The following VPS13B variants were observed in gnomAD, a reference collection of about 807,000 sequenced individuals.
VPS13B encodes intermembrane lipid transfer protein VPS13B.
In VPS13B, 285 loss-of-function variants were observed where a neutral mutation model predicts 426.4. The ratio of observed to expected loss-of-function variants is 0.67; its 90% CI spans 0.61 to 0.74. The LOEUF is 0.74. Ranked by LOEUF, VPS13B falls within the 30% of genes least tolerant of loss-of-function variation. The pLI is 0.00. For synonymous variants in VPS13B, 1,676 were observed against 1,676.4 expected (o/e 1.00, Z 0.01); for missense variants, 4,537 against 4,782.6 (o/e 0.95, Z 1.51).
chr8:99,649,706 A>AG (rs1468345917), intron 34 of VPS13B, among the ~76,000 whole-genome samples: 9 of 151,906 alleles, frequency 5.9e-5, no homozygotes, highest in South Asian at 2.1e-4. Context: ...CAGGAGAGAG[A>AG]GAAAAAAAAA....
intron 19 of VPS13B, among the ~76,000 whole-genome samples, chr8:99,318,712 G>A (rs753853270): frequency 1.6e-4 from 25 of 151,918 alleles, no homozygotes; most frequent in Non-Finnish European, 2.1e-4. Context: ...TATTAGAGAC[G>A]GGGTTTCACC....
chr8:99,748,213 T>G (rs1810196278), intron 39 of VPS13B, among the ~76,000 whole-genome samples: 1 of 152,036 alleles, frequency 6.6e-6, no homozygotes. Flanking sequence ...ACATTCTTTC[T>G]ACCTGATGAT....
At chr8:99,295,841 A>G (rs919788566) in intron 19 of VPS13B, among the ~76,000 whole-genome samples, 4 of 152,088 alleles carry the variant, frequency 2.6e-5, no homozygotes, top group Non-Finnish European at 5.9e-5. Context: ...AACCTAAACA[A>G]CATAGAGAGA....
intron 52 of VPS13B, 70 bp downstream of exon 52, chr8:99,832,722 A>C: frequency 6.5e-7 from 1 of 1,529,410 alleles, no homozygotes; most frequent in Non-Finnish European, 9.0e-7. Flanking sequence ...AGATGCCAAG[A>C]GAGATACAAT....
At chr8:99,583,195 G>C (rs1409341989) in intron 33 of VPS13B, among the ~76,000 whole-genome samples, 1 of 152,054 alleles carries the variant, frequency 6.6e-6, no homozygotes, top group Non-Finnish European at 1.5e-5. Context: ...CGGCACACTT[G>C]GCATAAAACA....
At chr8:99,312,900 C>T (rs1326873311) in intron 19 of VPS13B, among the ~76,000 whole-genome samples, 8 of 152,172 alleles carry the variant, frequency 5.3e-5, no homozygotes, top group African/African-American at 7.2e-5. Context: ...CTTCTCTTCT[C>T]GCTTCATTTC....
intron 35 of VPS13B, among the ~76,000 whole-genome samples, chr8:99,678,806 G>A (rs1256711635): frequency 6.6e-6 from 1 of 152,044 alleles, no homozygotes; most frequent in Non-Finnish European, 1.5e-5. Context: ...GTATTCAGTA[G>A]TATTGCTCAT....
rs761890013 is a variant in VPS13B at position 99,778,682 on chromosome 8, C to T, written c.7430C>T (p.Ala2477Val). 1 of 1,613,600 alleles carries T rather than the reference C, an allele frequency of 6.2e-7. No individual in the cohort carries two copies. Among genetic ancestry groups the T allele is most frequent in the Admixed American group, 1.7e-5 (1 of 59,998 alleles). The change falls in exon 42 of 62, where the codon GCT (alanine) becomes GTT (valine). Residue 2477 changes from alanine to valine, a missense_variant and splice_region_variant. This residue lies in a region of VPS13B where 4,311 missense variants were observed against 4,474.3 expected (regional missense o/e 0.96). Coordinates refer to ENST00000357162, the MANE Select transcript of VPS13B (RefSeq NM_152564.5). The stretch of plus-strand genomic sequence containing the variant: ...TTTTCCTTGTTTGTTTTCTCAACAG[C>T]TGCACCACAGTACCTACAGCCATTT... ...LCHHLDQLGT[A>V]APQYLQPFVS... is the part of the protein sequence containing the mutation.
At chr8:99,412,724 T>C (rs919050355) in intron 21 of VPS13B, among the ~76,000 whole-genome samples, 1 of 152,212 alleles carries the variant, frequency 6.6e-6, no homozygotes, top group Non-Finnish European at 1.5e-5. Context: ...AAATAGCTCT[T>C]ATTATTTTGA....
At chr8:99,308,157 TTTTTG>T (rs1268558375) in intron 19 of VPS13B, among the ~76,000 whole-genome samples, 2 of 152,012 alleles carry the variant, frequency 1.3e-5, no homozygotes, top group African/African-American at 4.8e-5. Flanking sequence ...TTAGACTTTT[TTTTTG>T]TTTTATTTTT....
intron 21 of VPS13B, among the ~76,000 whole-genome samples, chr8:99,421,407 A>C (rs1816364865): frequency 6.6e-6 from 1 of 152,200 alleles, no homozygotes; most frequent in African/African-American, 2.4e-5. Context: ...TCCATGATCC[A>C]TAGTAGAAAT....
At chr8:99,868,942 C>G (rs1303991822) in intron 59 of VPS13B, among the ~76,000 whole-genome samples, 1 of 152,144 alleles carries the variant, frequency 6.6e-6, no homozygotes, top group Non-Finnish European at 1.5e-5. Flanking sequence ...TGGGCAGAAA[C>G]AAAGGGTCTG....
At chr8:99,592,911 A>T (rs1401280920) in intron 33 of VPS13B, among the ~76,000 whole-genome samples, 1 of 152,146 alleles carries the variant, frequency 6.6e-6, no homozygotes, top group African/African-American at 2.4e-5. Context: ...GCAAAAGTTA[A>T]CTCAAGATGG....
intron 17 of VPS13B, among the ~76,000 whole-genome samples, chr8:99,231,963 G>T (rs1282608663): frequency 6.6e-6 from 1 of 152,108 alleles, no homozygotes; most frequent in Non-Finnish European, 1.5e-5. Flanking sequence ...GGTTTGGTGG[G>T]TTCCTGTTTT....
chr8:99,086,153 C>A lies in VPS13B; in HGVS notation c.292-10159C>A, dbSNP rs550562646. Among the ~76,000 whole-genome samples, 214 of 152,184 alleles carry A rather than the reference C, an allele frequency of 1.4e-3. 1 individual carries two copies. Among genetic ancestry groups the A allele is most frequent in the African/African-American group, 5.1e-3 (211 of 41,526 alleles). ...TCCCATATTTCTTGGAGGCTTTGTT[C>A]ATTTCTTTTTATTCTTTTTTCTCTA... On this transcript the variant is annotated intron_variant, in intron 3 of 61. Coordinates refer to ENST00000357162, the MANE Select transcript of VPS13B (RefSeq NM_152564.5).
At chr8:99,067,521 A>G (rs1282724715) in intron 3 of VPS13B, among the ~76,000 whole-genome samples, 1 of 152,164 alleles carries the variant, frequency 6.6e-6, no homozygotes, top group Non-Finnish European at 1.5e-5. Context: ...GAGGGATAGC[A>G]TTAGGAGAAA....
intron 2 of VPS13B, among the ~76,000 whole-genome samples, chr8:99,016,414 G>C (rs934744710): frequency 8.6e-5 from 13 of 150,792 alleles, no homozygotes; most frequent in Admixed American, 2.6e-4. Flanking sequence ...AGCCTTTCTA[G>C]TGGGTGTGTA....
At chr8:99,238,254 G>GTA (rs753396129) in intron 17 of VPS13B, among the ~76,000 whole-genome samples, 9 of 151,884 alleles carry the variant, frequency 5.9e-5, no homozygotes, top group South Asian at 2.1e-4. Flanking sequence ...GTGTGTGTGT[G>GTA]TGTGTGTGTG....
At position 99,170,064 on chromosome 8, in the gene VPS13B, C is replaced by T. The variant is rs199574731; in HGVS notation, c.2234C>T (p.Thr745Met). 28 of 1,612,722 alleles carry T rather than the reference C, an allele frequency of 1.7e-5. No individual in the cohort carries two copies. The highest frequency in any genetic ancestry group is 4.0e-5 in the African/African-American group (3 of 74,862). ...LKIFGFQAGL[T>M]SLDCSGSYCL... ...ATATTTGGTTTCCAGGCAGGACTGA[C>T]GTCTTTGGATTGCAGTGGATCTTAC... Residue 745 changes from threonine (T) to methionine (M), a missense_variant, in exon 16 of 62, where the codon ACG becomes ATG. This residue lies in a region of VPS13B where 4,311 missense variants were observed against 4,474.3 expected (regional missense o/e 0.96). Coordinates refer to ENST00000357162, the MANE Select transcript of VPS13B (RefSeq NM_152564.5).
Sources: gnomAD v4.1 joint callset for allele counts (sites outside exome capture counted in the v4.1 genomes callset) on GRCh38, gnomAD v4.1.1 for gene constraint, gnomAD v4.1.1 regional missense constraint, MANE v1.5 for transcripts, NCBI Gene and HGNC (gene_info 2026-07-23, HGNC 2026-07-21) for gene names.